Variants in TUBGCP2 observed in about 807,000 individuals in gnomAD.
The protein encoded by TUBGCP2 is gamma-tubulin complex component 2.
In TUBGCP2, 55 loss-of-function variants were observed where a neutral mutation model predicts 92.2. The observed-to-expected ratio is 0.60, with a 90% CI of 0.48 to 0.75. The LOEUF is 0.75. TUBGCP2 is among the 30% of genes least tolerant of loss of function. The pLI is 0.00. For missense variants in TUBGCP2, 1,093 were observed against 1,188.9 expected, an observed-to-expected ratio of 0.92 and a Z score of 1.19; for synonymous variants, 533 against 505.2, an observed-to-expected ratio of 1.06 and a Z score of -0.74.
Position 133,297,930 on chromosome 10 carries a change from C to T in TUBGCP2, c.616+22G>A, listed in dbSNP as rs373467250. 2.1e-5 allele frequency: 34 copies of T among 1,608,726 alleles called. No individual in the cohort carries two copies. The African/African-American group carries it at 3.9e-4, about 18-fold the overall frequency. On this transcript the variant is annotated intron_variant, in intron 5 of 17. Transcript: ENST00000252936. ...GCATCACGTACCTATCGGCAGAGCC[C>T]GGAAATCAACGCATCACGTACCTAT...
chr10:133,304,809 C>G (rs1847768981), intron 1 of TUBGCP2, among the ~76,000 whole-genome samples: 1 of 152,138 alleles, frequency 6.6e-6, no homozygotes, highest in African/African-American at 2.4e-5. Context: ...CCAGGCCATA[C>G]AGAGATAGGA....
At position 133,299,664 on chromosome 10, in the gene TUBGCP2, G is replaced by A. The variant is rs1418785033; in HGVS notation, c.280-61C>T. On this transcript the variant is annotated intron_variant, in intron 3 of 17. Transcript: ENST00000252936. ...CAGCACCTCTTTGGCCATAGGGGGA[G>A]AGTAGGGACGACACCACCAGGACGG... The A allele has an allele frequency of 2.8e-6, 4 of 1,429,144 alleles. No homozygotes were observed. The South Asian group carries it at 5.2e-5, about 19-fold the overall frequency. 88.5% of individuals were successfully genotyped at this position (1,429,144 alleles called of 1,614,324 possible).
chr10:133,292,944 G>A, intron 7 of TUBGCP2, 95 bp downstream of exon 7: 1 of 1,402,526 alleles, frequency 7.1e-7, no homozygotes, highest in Non-Finnish European at 9.7e-7. Context: ...CTGGGCAGCT[G>A]CTCCACGGCC....
chr10:133,306,810 A>T (rs778685251), intron 1 of TUBGCP2, among the ~76,000 whole-genome samples: 1 of 151,774 alleles, frequency 6.6e-6, no homozygotes, highest in Non-Finnish European at 1.5e-5. Flanking sequence ...TAAAAAAAAT[A>T]AAAACTACCT....
At chr10:133,302,749 C>G (rs1847702099) in intron 2 of TUBGCP2, 43 bp downstream of exon 2, 2 of 1,607,952 alleles carry the variant, frequency 1.2e-6, no homozygotes, top group South Asian at 1.1e-5. Context: ...GACCCAGGAA[C>G]AGTGCTCACC....
chr10:133,290,233 G>A (rs1405149254), intron 8 of TUBGCP2: 11 of 419,428 alleles, frequency 2.6e-5, no homozygotes, highest in Non-Finnish European at 4.0e-5. Context: ...AGTGGCTCAC[G>A]CCTGTAACCC....
At chr10:133,284,558 G>A (rs1378730032) in intron 13 of TUBGCP2, among the ~76,000 whole-genome samples, 1 of 152,018 alleles carries the variant, frequency 6.6e-6, no homozygotes, top group Non-Finnish European at 1.5e-5. Flanking sequence ...ATGAGCTCTT[G>A]TTACATTGTC....
chr10:133,281,400 A>T lies in TUBGCP2; in HGVS notation c.2446T>A (p.Ser816Thr), dbSNP rs760430248. 6.2e-7 allele frequency: 1 copy of T among 1,613,620 alleles called. No homozygotes were observed. Among genetic ancestry groups the T allele is most frequent in the South Asian group, 1.1e-5 (1 of 91,080 alleles). ...AEHADTVQLV[S>T]GFEATINKFD... Reference sequence around the variant, plus strand: ...TTGTTGATGGTGGCCTCGAAGCCGGACACCAGCTGCACAGTGTCTGCGTGC... The same window carrying T: ...TTGTTGATGGTGGCCTCGAAGCCGGTCACCAGCTGCACAGTGTCTGCGTGC... The change falls in exon 17 of 18, where the codon TCC (serine) becomes ACC (threonine). Residue 816 changes from serine to threonine, a missense_variant. Physicochemically the swap from Ser to Thr is moderately conservative, Grantham distance 58. Transcript: ENST00000252936.
chr10:133,304,690 G>T (rs1382519801), intron 1 of TUBGCP2, among the ~76,000 whole-genome samples: 1 of 152,210 alleles, frequency 6.6e-6, no homozygotes, highest in African/African-American at 2.4e-5. Context: ...GCTAGATCTA[G>T]ATCATAGATA....
At position 133,283,859 on chromosome 10, in the gene TUBGCP2, T is replaced by A. The variant is rs377002598; in HGVS notation, c.2145+23A>T. 13 of 1,612,442 alleles carry A rather than the reference T, an allele frequency of 8.1e-6. No homozygotes were observed. In the African/African-American group the frequency reaches 1.3e-4, roughly 17 times the overall value. On this transcript the variant is annotated intron_variant, in intron 14 of 17. Coordinates refer to ENST00000252936, the MANE Select transcript of TUBGCP2 (RefSeq NM_006659.4). ...AAAGGAAAGTGGCTTTCAAACGTTA[T>A]TATCTGTGGAGCTAAAACTCACGGA... is the stretch of plus-strand genomic sequence containing the variant.
chr10:133,282,600 G>A (rs1847011097), intron 15 of TUBGCP2, among the ~76,000 whole-genome samples: 1 of 152,178 alleles, frequency 6.6e-6, no homozygotes, highest in South Asian at 2.1e-4. Context: ...CCCTGAAGTG[G>A]CCATGCCCTC....
At chr10:133,302,714 G>A in intron 2 of TUBGCP2, 78 bp downstream of exon 2, 1 of 1,575,710 alleles carries the variant, frequency 6.3e-7, no homozygotes, top group Non-Finnish European at 8.7e-7. Flanking sequence ...CCTGACCCAG[G>A]GGTGGGCTCA....
intron 4 of TUBGCP2, among the ~76,000 whole-genome samples, 188 bp from the exon 5 acceptor site, chr10:133,298,299 G>C (rs1847539440): frequency 6.6e-6 from 1 of 152,224 alleles, no homozygotes. Flanking sequence ...GAGGGGCTGG[G>C]GACAACAGGG....
Position 133,302,910 on chromosome 10 carries a change from T to C in TUBGCP2, c.32A>G (p.Asn11Ser), listed in dbSNP as rs201692045. Residue 11 changes from asparagine to serine, a missense_variant, in exon 2 of 18, where the codon AAT becomes AGT. Around this residue, in one of 3 missense-constraint regions of TUBGCP2, gnomAD observed 490 missense variants for 488.5 expected, o/e 1.00. Transcript: ENST00000252936. MSEFRIHHDV[N>S]ELLSLLRVHG... ...GACACGCAGCAGGCTAAGCAGTTCA[T>C]TGACGTCATGGTGAATCCGAAATTC... 2.2e-5 allele frequency: 36 copies of C among 1,614,062 alleles called. No individual in the cohort carries two copies. The highest frequency in any genetic ancestry group is 1.7e-4 in the Middle Eastern group (1 of 6,054).
chr10:133,292,176 C>G lies in TUBGCP2; in HGVS notation c.1214+323G>C, dbSNP rs1408892144. Reference sequence around the variant, plus strand: ...TGTACGGGAGAGGGCAGCATGCACACTCCGTGTCCCCCGTGTCCCTCCGTG... The same window carrying G: ...TGTACGGGAGAGGGCAGCATGCACAGTCCGTGTCCCCCGTGTCCCTCCGTG... On this transcript the variant is annotated intron_variant, in intron 8 of 17. Transcript: ENST00000252936. Among the ~76,000 whole-genome samples the G allele has an allele frequency of 8.4e-4, 3 of 3,564 alleles. 1 individual carries two copies. Among genetic ancestry groups the G allele is most frequent in the African/African-American group, 3.8e-3 (2 of 522 alleles). 2.3% of individuals were successfully genotyped at this position (3,564 alleles called of 152,430 possible). A position where few individuals can be genotyped will look rare whatever the true frequency, so the allele number is the denominator to read the frequency against.
Position 133,288,291 on chromosome 10 carries a change from G to T in TUBGCP2, c.1560C>A (p.Phe520Leu). ...CGAAGAAGTCGCCCTGGTCCATGAG[G>T]AAGTAGCGCTTGATGGACCTGCGCC... ...VAHLRSIKRYFLMDQGDFFVH... is the reference protein window; with the variant it reads ...VAHLRSIKRYLLMDQGDFFVH... The change falls in exon 11 of 18, where the codon TTC becomes TTA. Residue 520 changes from phenylalanine to leucine, a missense_variant. Physicochemically the swap from Phe to Leu is conservative, Grantham distance 22. This residue lies in a region of TUBGCP2 where 598 missense variants were observed against 675.5 expected (regional missense o/e 0.89). Coordinates refer to ENST00000252936, the MANE Select transcript of TUBGCP2 (RefSeq NM_006659.4). 1 of 1,613,482 alleles carries T rather than the reference G, an allele frequency of 6.2e-7. No homozygotes were observed. The highest frequency in any genetic ancestry group is 8.5e-7 in the Non-Finnish European group (1 of 1,179,936).
Position 133,302,969 on chromosome 10 carries a change from C to T in TUBGCP2, c.-28G>A. 6.2e-7 allele frequency: 1 copy of T among 1,613,462 alleles called. No individual in the cohort carries two copies. Among genetic ancestry groups the T allele is most frequent in the South Asian group, 1.1e-5 (1 of 91,078 alleles). ...TTTTAGCTCTGAGGCACGAACATCA[C>T]AATATGTTCTCCTATAGGTAAGAAG... On this transcript the variant is annotated 5_prime_UTR_variant, in exon 2 of 18. It adds an upstream start codon to the 5' untranslated region. Transcript: ENST00000252936.
rs1290144247 is a variant in TUBGCP2, at chr10:133,283,069, C to A, written c.2289+9G>T. The A allele has an allele frequency of 1.2e-6, 2 of 1,614,118 alleles. No individual in the cohort carries two copies. The highest frequency in any genetic ancestry group is 2.7e-5 in the African/African-American group (2 of 75,040). ...TGCCCACCCGATGGTGCTACCCACACCCACGCACCTGCATGCAGTTGGTGA... is the reference window on the plus strand; with the variant it reads ...TGCCCACCCGATGGTGCTACCCACAACCACGCACCTGCATGCAGTTGGTGA... On this transcript the variant is annotated intron_variant, in intron 15 of 17. Transcript: ENST00000252936.
At position 133,285,121 on chromosome 10, in the gene TUBGCP2, T is replaced by C; in HGVS notation, c.1988A>G (p.Lys663Arg). Reference sequence around the variant, plus strand: ...GTGCAGCGAGTGCTGCTTGGCGGTTTTGTTGCTGATCCAGACGCTGCAGAG... The same window carrying C: ...GTGCAGCGAGTGCTGCTTGGCGGTTCTGTTGCTGATCCAGACGCTGCAGAG... The part of the protein sequence containing the change: ...RQLCSVWISN[K>R]TAKQHSLHSA... Residue 663 changes from lysine to arginine, a missense_variant, in exon 13 of 18, where the codon AAA becomes AGA. By Grantham distance (26) the Lys-to-Arg change is conservative. Coordinates refer to ENST00000252936, the MANE Select transcript of TUBGCP2 (RefSeq NM_006659.4). This position sits in a 1 kb window ranked among gnomAD's most constrained non-coding sequence, Gnocchi z 6.8. The C allele has an allele frequency of 6.2e-7, 1 of 1,611,424 alleles. No individual in the cohort carries two copies.
Sources: gnomAD v4.1 joint callset for allele counts (sites outside exome capture counted in the v4.1 genomes callset) on GRCh38, gnomAD v4.1.1 for gene constraint, gnomAD v4.1.1 regional missense constraint, Gnocchi (gnomAD v3.1) non-coding constraint, MANE v1.5 for transcripts, NCBI Gene and HGNC (gene_info 2026-07-23, HGNC 2026-07-21) for gene names.